Variants in TANGO6 observed in about 807,000 individuals in gnomAD.
TANGO6 encodes the protein transport and golgi organization 6 homolog.
A neutral mutation model predicts 114.2 loss-of-function variants in TANGO6; 90 were observed. The observed-to-expected ratio is 0.79, with a 90% CI of 0.66 to 0.94. TANGO6 has a LOEUF of 0.94. TANGO6 is among the 40% of genes least tolerant of loss of function. The probability of loss-of-function intolerance (pLI) is 0.00; values close to 1 mark genes in which losing one functional copy is unlikely to be tolerated. For synonymous variants in TANGO6, 477 were observed against 509.8 expected, an observed-to-expected ratio of 0.94 and a Z score of 0.87; for missense variants, 1,274 against 1,315.3, an observed-to-expected ratio of 0.97 and a Z score of 0.49.
In TANGO6 at chr16:69,083,579, C is replaced by A. The variant is rs1245543425; in HGVS notation, c.3203C>A (p.Ala1068Asp). The change falls in exon 18 of 18, where the codon GCC (alanine) becomes GAC (aspartate). Residue 1068 changes from alanine to aspartate, a missense_variant. By Grantham distance (126) the Ala-to-Asp change is moderately radical. Transcript: ENST00000261778. ...GTGGCCAAGCTCCATGCCCAGTTGG[C>A]CCTAGAAGAGCTGGATGACATCATG... ...DDVAKLHAQLALEELDDIMKN... is the reference protein window; with the variant it reads ...DDVAKLHAQLDLEELDDIMKN... 6.2e-7 allele frequency: 1 copy of A among 1,604,842 alleles called. No homozygotes were observed. The highest frequency in any genetic ancestry group is 8.5e-7 in the Non-Finnish European group (1 of 1,175,710).
At position 69,083,956 on chromosome 16, in the gene TANGO6, T is replaced by G. The variant is rs1960504109; in HGVS notation, c.*295T>G. The stretch of plus-strand genomic sequence containing the variant: ...AAGAAGGATGTCTACCTGGTGAAAG[T>G]ATATTTTAACATGACTGATGGAATT... On this transcript the variant is annotated 3_prime_UTR_variant, in exon 18 of 18. Transcript: ENST00000261778. 1 of 234,288 alleles carries G rather than the reference T, an allele frequency of 4.3e-6. No individual in the cohort carries two copies. The highest frequency in any genetic ancestry group is 8.3e-6 in the Non-Finnish European group (1 of 120,950). The allele number at this position is 234,288 out of a possible 1,614,324, so 14.5% of individuals were successfully genotyped here.
chr16:69,064,128 G>A (rs945049492), intron 17 of TANGO6, among the ~76,000 whole-genome samples: 15 of 152,076 alleles, frequency 9.9e-5, no homozygotes, highest in African/African-American at 3.6e-4. Flanking sequence ...AAGCCACCAC[G>A]CCCAGCTCTA....
chr16:68,948,979 G>A (rs1016825074), intron 14 of TANGO6, among the ~76,000 whole-genome samples: 1 of 152,122 alleles, frequency 6.6e-6, no homozygotes, highest in Non-Finnish European at 1.5e-5. Context: ...CTGAGGTCGG[G>A]AGTTCGAGAC....
At chr16:68,928,298 A>ATTT (rs10701295) in intron 13 of TANGO6, among the ~76,000 whole-genome samples, 28,995 of 98,488 alleles carry the variant, frequency 0.29, 4,756 homozygotes, top group Middle Eastern at 0.32. Flanking sequence ...CTGAGTGCCA[A>ATTT]TTTTTTTTTT....
At chr16:68,898,530 G>T (rs1962738003) in intron 7 of TANGO6, among the ~76,000 whole-genome samples, 2 of 151,670 alleles carry the variant, frequency 1.3e-5, no homozygotes, top group East Asian at 3.9e-4. Context: ...TATAGTGATG[G>T]GGTCTCACCA....
chr16:68,871,873 G>A (rs1207279296), intron 4 of TANGO6, among the ~76,000 whole-genome samples: 1 of 152,162 alleles, frequency 6.6e-6, no homozygotes, highest in Non-Finnish European at 1.5e-5. Flanking sequence ...ACCCACCTTG[G>A]CCTCCCAAAG....
intron 15 of TANGO6, among the ~76,000 whole-genome samples, chr16:68,986,746 A>G (rs981208740): frequency 1.3e-5 from 2 of 152,118 alleles, no homozygotes; most frequent in Admixed American, 6.5e-5. Context: ...CTCTACTAGA[A>G]ATACAAAAAT....
chr16:68,918,008 T>C (rs1387371452), intron 11 of TANGO6, among the ~76,000 whole-genome samples: 1 of 151,236 alleles, frequency 6.6e-6, no homozygotes, highest in African/African-American at 2.4e-5. Context: ...CAACCTCCAC[T>C]TCCTGGTTCA....
intron 14 of TANGO6, among the ~76,000 whole-genome samples, chr16:68,934,457 A>G (rs1295230206): frequency 6.6e-6 from 1 of 152,220 alleles, no homozygotes. Context: ...ATTCAAAGAG[A>G]CAAAATGACC....
intron 14 of TANGO6, chr16:68,948,193 AC>A (rs1193088214): frequency 6.6e-6 from 1 of 152,206 alleles, no homozygotes; most frequent in Non-Finnish European, 1.5e-5. Context: ...AGAATATTTA[AC>A]AATTTAGTAC....
intron 3 of TANGO6, among the ~76,000 whole-genome samples, chr16:68,866,609 G>A (rs1302213758): frequency 3.5e-5 from 5 of 141,626 alleles, no homozygotes; most frequent in Non-Finnish European, 6.1e-5. Context: ...CGGCCTGGGC[G>A]ACAGAGCAAG....
intron 15 of TANGO6, among the ~76,000 whole-genome samples, chr16:69,002,527 G>A (rs1028445839): frequency 1.3e-5 from 2 of 152,022 alleles, no homozygotes; most frequent in Admixed American, 6.6e-5. Context: ...AGTTTTCCCT[G>A]CTCTTGCTTG....
intron 15 of TANGO6, among the ~76,000 whole-genome samples, chr16:68,993,377 T>C (rs1185697464): frequency 5.3e-5 from 8 of 152,254 alleles, no homozygotes; most frequent in African/African-American, 1.9e-4. Context: ...TCAATATATG[T>C]ATGAGAAAGA....
chr16:68,930,334 C>T, intron 14 of TANGO6, 39 bp downstream of exon 14: 1 of 1,487,340 alleles, frequency 6.7e-7, no homozygotes, highest in South Asian at 1.2e-5. Context: ...AGTATGTGGA[C>T]CAGAGACTGT....
chr16:69,005,325 G>A (rs59615637), intron 15 of TANGO6, among the ~76,000 whole-genome samples: 1 of 152,218 alleles, frequency 6.6e-6, no homozygotes, highest in Non-Finnish European at 1.5e-5. Flanking sequence ...AAGAGAAAAT[G>A]TCAGAGAGAA....
chr16:69,016,420 C>G (rs186462822), intron 15 of TANGO6, among the ~76,000 whole-genome samples: 46 of 152,080 alleles, frequency 3.0e-4, no homozygotes, highest in African/African-American at 1.1e-3. Context: ...AAAGATTTGC[C>G]GGATGAATGA....
At chr16:69,039,596 A>G (rs1480283253) in intron 16 of TANGO6, among the ~76,000 whole-genome samples, 1 of 152,150 alleles carries the variant, frequency 6.6e-6, no homozygotes, top group East Asian at 1.9e-4. Flanking sequence ...TGATTGCACC[A>G]CTGCACTCCA....
chr16:68,865,475 G>A (rs542787252), intron 3 of TANGO6, among the ~76,000 whole-genome samples: 2 of 152,242 alleles, frequency 1.3e-5, no homozygotes, highest in African/African-American at 4.8e-5. Context: ...GCTGAGAGGT[G>A]TATGCCAAAA....
chr16:68,876,164 A>AT lies in TANGO6; in HGVS notation c.1131+888dup, dbSNP rs11314437. On this transcript the variant is annotated intron_variant, in intron 5 of 17. Coordinates refer to ENST00000261778, the MANE Select transcript of TANGO6 (RefSeq NM_024562.2). ...ACACATGATGGTACAATTAATGCTA[A>AT]TTTTTTTTTTTTTTGAGACAGAGTT... Among the ~76,000 whole-genome samples the AT allele has an allele frequency of 6.2e-3, 907 of 146,028 alleles. 8 individuals are homozygous for AT. The highest frequency in any genetic ancestry group is 0.017 in the African/African-American group (672 of 40,272).
Sources: gnomAD v4.1 joint callset for allele counts (sites outside exome capture counted in the v4.1 genomes callset) on GRCh38, gnomAD v4.1.1 for gene constraint, MANE v1.5 for transcripts, NCBI Gene and HGNC (gene_info 2026-07-23, HGNC 2026-07-21) for gene names.